The following CREB3L2 variants were observed in gnomAD, a reference collection of about 807,000 sequenced individuals.
CREB3L2 encodes cAMP responsive element binding protein 3 like 2.
CREB3L2 carries 23 observed loss-of-function variants against 57.2 expected under a neutral mutation model. That is an observed-to-expected ratio of 0.40 (90% CI 0.29 to 0.57). The LOEUF (loss-of-function observed/expected upper bound fraction) is 0.57. CREB3L2 is among the 20% of genes least tolerant of loss of function. CREB3L2 has a pLI of 0.42. For missense variants in CREB3L2, 628 were observed against 634.7 expected (o/e 0.99, Z 0.11); for synonymous variants, 268 against 265.1 (o/e 1.01, Z -0.11).
At chr7:137,897,118 A>G (rs1265826016) in intron 8 of CREB3L2, among the ~76,000 whole-genome samples, 1 of 152,200 alleles carries the variant, frequency 6.6e-6, no homozygotes, top group African/African-American at 2.4e-5. Context: ...AAAAAAAGGT[A>G]ATTATGTGGA....
At chr7:137,991,211 T>C (rs1563275718) in intron 1 of CREB3L2, among the ~76,000 whole-genome samples, 2 of 151,942 alleles carry the variant, frequency 1.3e-5, no homozygotes, top group Non-Finnish European at 2.9e-5. Flanking sequence ...TCACCCAGGC[T>C]GGAGTGCAGT....
At chr7:137,971,693 C>T (rs545838882) in intron 1 of CREB3L2, among the ~76,000 whole-genome samples, 9 of 151,110 alleles carry the variant, frequency 6.0e-5, no homozygotes, top group East Asian at 1.9e-4. Flanking sequence ...AAAAAAAAGG[C>T]CAGGGTCTGT....
In CREB3L2 at chr7:137,877,376, T is replaced by TA; in HGVS notation, c.*3099_*3100insT. The TA allele has an allele frequency of 4.4e-6, 1 of 226,864 alleles. No individual in the cohort carries two copies. The highest frequency in any genetic ancestry group is 6.3e-5 in the East Asian group (1 of 15,760). 14.1% of individuals were successfully genotyped at this position (226,864 alleles called of 1,614,324 possible). ...GAGCAACCTAGTTCAGCTGTCGGAT[T>TA]TTTATATAACACTCTCTTTATGTGA... On this transcript the variant is annotated 3_prime_UTR_variant, in exon 12 of 12. Transcript: ENST00000330387.
chr7:137,966,445 A>C (rs1801408666), intron 1 of CREB3L2, among the ~76,000 whole-genome samples: 1 of 152,204 alleles, frequency 6.6e-6, no homozygotes, highest in Non-Finnish European at 1.5e-5. Context: ...GAGGAGCACT[A>C]TCCTTGATAT....
At chr7:137,943,183 C>T (rs1424008456) in intron 1 of CREB3L2, among the ~76,000 whole-genome samples, 1 of 152,118 alleles carries the variant, frequency 6.6e-6, no homozygotes, top group African/African-American at 2.4e-5. Context: ...GTCTCCCAGG[C>T]CCCCTGCGGC....
At position 137,878,357 on chromosome 7, in the gene CREB3L2, C is replaced by T. The variant is rs139496662; in HGVS notation, c.*2119G>A. 161 of 232,966 alleles carry T rather than the reference C, an allele frequency of 6.9e-4. No individual in the cohort carries two copies. Among genetic ancestry groups the T allele is most frequent in the African/African-American group, 3.3e-3 (151 of 45,436 alleles). The allele number at this position is 232,966 out of a possible 1,614,324, so 14.4% of individuals were successfully genotyped here. On this transcript the variant is annotated 3_prime_UTR_variant, in exon 12 of 12. Transcript: ENST00000330387. Reference sequence around the variant, plus strand: ...ATTTGAAACCTTTCCTTCCTCATTGCCCAAATGCTACTTGAGTAAATCTTA... The same window carrying T: ...ATTTGAAACCTTTCCTTCCTCATTGTCCAAATGCTACTTGAGTAAATCTTA...
chr7:137,895,958 G>A (rs1025172477), intron 8 of CREB3L2, among the ~76,000 whole-genome samples: 2 of 152,150 alleles, frequency 1.3e-5, no homozygotes, highest in Admixed American at 6.5e-5. Flanking sequence ...GCATCAACAG[G>A]AACACACACA....
At chr7:137,890,341 C>T (rs1301925951) in intron 8 of CREB3L2, among the ~76,000 whole-genome samples, 7 of 152,116 alleles carry the variant, frequency 4.6e-5, no homozygotes, top group Admixed American at 3.9e-4. Flanking sequence ...GGAAGTCAAG[C>T]CTGGGCTTTA....
intron 4 of CREB3L2, among the ~76,000 whole-genome samples, chr7:137,911,352 A>G (rs1292380660): frequency 1.3e-5 from 2 of 152,250 alleles, no homozygotes; most frequent in East Asian, 3.8e-4. Flanking sequence ...CCCTGATTAC[A>G]TTGTTACAAA....
chr7:137,951,294 C>T (rs935343944), intron 1 of CREB3L2, among the ~76,000 whole-genome samples: 4 of 152,054 alleles, frequency 2.6e-5, no homozygotes, highest in Non-Finnish European at 5.9e-5. Context: ...TCCACGTGTT[C>T]GATAAGCTTT....
At chr7:137,960,261 C>G (rs1801295940) in intron 1 of CREB3L2, among the ~76,000 whole-genome samples, 1 of 152,154 alleles carries the variant, frequency 6.6e-6, no homozygotes, top group African/African-American at 2.4e-5. Flanking sequence ...GGTTACATAG[C>G]TCATGAATTT....
intron 8 of CREB3L2, among the ~76,000 whole-genome samples, chr7:137,888,383 C>A (rs1799470718): frequency 6.6e-6 from 1 of 152,050 alleles, no homozygotes; most frequent in South Asian, 2.1e-4. Context: ...GATGCAGCAC[C>A]TTTCCTTCCT....
rs148962983 is a variant in CREB3L2 at position 137,948,711 on chromosome 7, A to C, written c.103-20345T>G. Among the ~76,000 whole-genome samples, 133 of 152,328 alleles carry C rather than the reference A, an allele frequency of 8.7e-4. 1 individual carries two copies. The East Asian group carries it at 0.02, about 23-fold the overall frequency. ...TTCCTACTGAATCCACAGCATGAGT[A>C]TTAGCACGTAACTGAAGAATAGCCT... On this transcript the variant is annotated intron_variant, in intron 1 of 11. Coordinates refer to ENST00000330387, the MANE Select transcript of CREB3L2 (RefSeq NM_194071.4).
intron 8 of CREB3L2, among the ~76,000 whole-genome samples, chr7:137,892,636 CAA>C (rs1242184174): frequency 6.6e-6 from 1 of 151,990 alleles, no homozygotes; most frequent in African/African-American, 2.4e-5. Context: ...GGTGACAGAG[CAA>C]GACTCCATCT....
At chr7:137,969,415 C>T (rs767482002) in intron 1 of CREB3L2, among the ~76,000 whole-genome samples, 4 of 141,034 alleles carry the variant, frequency 2.8e-5, no homozygotes, top group Admixed American at 2.3e-4. Context: ...GGCACGAACT[C>T]GGCTCACTGC....
chr7:137,904,335 A>G (rs1381835916), intron 6 of CREB3L2, among the ~76,000 whole-genome samples: 2 of 152,132 alleles, frequency 1.3e-5, no homozygotes, highest in Non-Finnish European at 2.9e-5. Context: ...GTTCGAGACC[A>G]GCCTGGCCAA....
intron 1 of CREB3L2, among the ~76,000 whole-genome samples, chr7:137,985,269 C>G (rs1801772945): frequency 6.6e-6 from 1 of 152,162 alleles, no homozygotes; most frequent in African/African-American, 2.4e-5. Flanking sequence ...GAACCTGATT[C>G]CCAAGAAAGC....
intron 8 of CREB3L2, among the ~76,000 whole-genome samples, chr7:137,899,942 C>T (rs1646540): frequency 0.7 from 107,200 of 152,140 alleles, 38,084 homozygotes; most frequent in African/African-American, 0.79. Context: ...ACAATTGTTA[C>T]TGGGCATTAA....
chr7:137,903,939 C>G lies in CREB3L2; in HGVS notation c.974+20G>C, dbSNP rs771933544. The G allele has an allele frequency of 1.2e-6, 2 of 1,606,024 alleles. No homozygotes were observed. Among genetic ancestry groups the G allele is most frequent in the Non-Finnish European group, 1.7e-6 (2 of 1,172,628 alleles). On this transcript the variant is annotated intron_variant, in intron 7 of 11. Transcript: ENST00000330387. Reference sequence around the variant, plus strand: ...TGTGCATACTGCCCGATGAACGCAACAGTTTGCCAGCAGGCTTACTTTTTC... The same window carrying G: ...TGTGCATACTGCCCGATGAACGCAAGAGTTTGCCAGCAGGCTTACTTTTTC...
Sources: gnomAD v4.1 joint callset for allele counts (sites outside exome capture counted in the v4.1 genomes callset) on GRCh38, gnomAD v4.1.1 for gene constraint, MANE v1.5 for transcripts, NCBI Gene and HGNC (gene_info 2026-07-23, HGNC 2026-07-21) for gene names.